The following SLC1A5 variants were observed in gnomAD, a reference collection of about 807,000 sequenced individuals.
SLC1A5 encodes neutral amino acid transporter B(0).
SLC1A5 carries 25 observed loss-of-function variants against 34.9 expected under a neutral mutation model. The observed-to-expected ratio is 0.72, with a 90% confidence interval of 0.52 to 1.00. SLC1A5 has a LOEUF of 1.00. Ranked by LOEUF, SLC1A5 falls within the 50% of genes least tolerant of loss-of-function variation. The pLI, the probability that SLC1A5 is intolerant of heterozygous loss-of-function variation, is 0.00. For missense variants in SLC1A5, 637 were observed against 740.0 expected (o/e 0.86, Z 1.61); for synonymous variants, 351 against 341.2 (o/e 1.03, Z -0.32).
At position 46,783,191 on chromosome 19, in the gene SLC1A5, C is replaced by T. The variant is rs567988209; in HGVS notation, c.658-642G>A. Among the ~76,000 whole-genome samples, 29 of 152,226 alleles carry T rather than the reference C, an allele frequency of 1.9e-4. No homozygotes were observed. The South Asian group carries it at 2.3e-3, about 12-fold the overall frequency. The stretch of plus-strand genomic sequence containing the variant: ...TTTGAAAAGATCCTCGGGCGGAGCA[C>T]GGTGGCTCACGCCTGTAATCACAGC... On this transcript the variant is annotated intron_variant, in intron 3 of 7. Transcript: ENST00000542575.
intron 4 of SLC1A5, among the ~76,000 whole-genome samples, chr19:46,780,141 C>T (rs796317465): frequency 1.6e-4 from 24 of 152,064 alleles, no homozygotes; most frequent in African/African-American, 5.5e-4. Context: ...CATGAGCCTC[C>T]GTACTGGGCC....
Position 46,782,415 on chromosome 19 carries a change from C to G in SLC1A5, c.792G>C (p.Glu264Asp). Residue 264 changes from glutamate (E) to aspartate (D), a missense_variant, in exon 4 of 8, where the codon GAG becomes GAC. By Grantham distance (45) the Glu-to-Asp change is conservative. Transcript: ENST00000542575. The part of the protein sequence containing the change: ...LLIRFFNSFN[E>D]ATMVLVSWIM... The stretch of plus-strand genomic sequence containing the variant: ...TCCAGGAGACCAGAACCATGGTGGC[C>G]TCATTGAAGGAGTTGAAGAAGCGGA... The G allele has an allele frequency of 6.4e-7, 1 of 1,552,062 alleles. No homozygotes were observed. The highest frequency in any genetic ancestry group is 1.1e-5 in the South Asian group (1 of 90,440).
At position 46,777,006 on chromosome 19, in the gene SLC1A5, T is replaced by G. The variant is rs79376478; in HGVS notation, c.1357A>C (p.Ile453Leu). The G allele has an allele frequency of 8.4e-3, 13,517 of 1,613,820 alleles. 93 individuals carry two copies. The highest frequency in any genetic ancestry group is 0.016 in the Middle Eastern group (99 of 6,062). ...CAGTCCACAGCCAGGATCAAGGAGA[T>G]ATGGTCGACCGGGAGGTTGACTGCT... ...LEAVNLPVDHISLILAVDWLV... is the reference protein window; with the variant it reads ...LEAVNLPVDHLSLILAVDWLV... Residue 453 changes from isoleucine (I) to leucine (L), a missense_variant, in exon 7 of 8, where the codon ATC becomes CTC. Physicochemically the swap from Ile to Leu is conservative, Grantham distance 5. Transcript: ENST00000542575.
rs1218554735 is a variant in SLC1A5 at position 46,777,288 on chromosome 19, G to A, written c.1176C>T (p.Leu392=). 1.9e-6 allele frequency: 3 copies of A among 1,613,588 alleles called. No homozygotes were observed. Among genetic ancestry groups the A allele is most frequent in the African/African-American group, 2.7e-5 (2 of 74,928 alleles). ...GATVNMDGAA[L]FQCVAAVFIA... is the part of the protein sequence containing the mutation. ...TGAACACTGCGGCCACGCACTGGAA[G>A]AGCGCGGCACCGTCCATGTTGACGG... Residue 392 remains leucine (L), a synonymous_variant, in exon 6 of 8, where the codon CTC becomes CTT. Coordinates refer to ENST00000542575, the MANE Select transcript of SLC1A5 (RefSeq NM_005628.3).
At chr19:46,782,599 A>T in intron 3 of SLC1A5, 50 bp from the exon 4 acceptor site, 4 of 1,605,190 alleles carry the variant, frequency 2.5e-6, no homozygotes, top group Non-Finnish European at 3.4e-6. Flanking sequence ...GTCTACCTGC[A>T]CAGTCACTGA....
At chr19:46,782,277 G>A (rs2055151571) in intron 4 of SLC1A5, 106 bp downstream of exon 4, 6 of 851,280 alleles carry the variant, frequency 7.0e-6, no homozygotes, top group Non-Finnish European at 9.3e-6. Flanking sequence ...GCTCCAAAGA[G>A]TGAATAGAGG....
intron 3 of SLC1A5, 26 bp downstream of exon 3, chr19:46,784,070 GC>G: frequency 6.3e-7 from 1 of 1,594,926 alleles, no homozygotes; most frequent in Non-Finnish European, 8.6e-7. Flanking sequence ...AAGAGGTAGA[GC>G]CCCCGCTGCC....
rs751674385 is a variant in SLC1A5 at position 46,777,092 on chromosome 19, G to A, written c.1271C>T (p.Ser424Phe). 6.2e-7 allele frequency: 1 copy of A among 1,613,886 alleles called. No homozygotes were observed. Among genetic ancestry groups the A allele is most frequent in the Non-Finnish European group, 8.5e-7 (1 of 1,179,978 alleles). Residue 424 changes from serine (S) to phenylalanine (F), a missense_variant, in exon 7 of 8, where the codon TCC (serine) becomes TTC (phenylalanine). Physicochemically the swap from Ser to Phe is radical, Grantham distance 155 (BLOSUM62 -2). Transcript: ENST00000542575. ...AGGGATGCCCGCTGCCCCCACGCTG[G>A]ACGCTGTGGCCGTGACCCTGAGGGA... The part of the protein sequence containing the change: ...IITILVTATA[S>F]SVGAAGIPAG...
In SLC1A5 at chr19:46,775,650, G is replaced by C. The variant is rs754926199; in HGVS notation, c.1486C>G (p.Pro496Ala). ...VDRTESRSTE[P>A]ELIQVKSELP... Reference sequence around the variant, plus strand: ...TCACTCTTCACTTGTATCAACTCAGGCTCTGTGCTTCTCGACTCCGTACGG... The same window carrying C: ...TCACTCTTCACTTGTATCAACTCAGCCTCTGTGCTTCTCGACTCCGTACGG... The change falls in exon 8 of 8, where the codon CCT (proline) becomes GCT (alanine). Residue 496 changes from proline to alanine, a missense_variant. Physicochemically the swap from Pro to Ala is conservative, Grantham distance 27. Transcript: ENST00000542575. 6.2e-7 allele frequency: 1 copy of C among 1,614,104 alleles called. No homozygotes were observed. Among genetic ancestry groups the C allele is most frequent in the South Asian group, 1.1e-5 (1 of 91,082 alleles).
Position 46,775,591 on chromosome 19 carries a change from C to G in SLC1A5, c.1545G>C (p.Glu515Asp). 6.2e-7 allele frequency: 1 copy of G among 1,614,160 alleles called. No homozygotes were observed. Among genetic ancestry groups the G allele is most frequent in the Non-Finnish European group, 8.5e-7 (1 of 1,180,028 alleles). Reference protein sequence around the residue: ...LPLDPLPVPTEEGNPLLKHYR... With the variant: ...LPLDPLPVPTDEGNPLLKHYR... The stretch of plus-strand genomic sequence containing the variant: ...AGTGTTTGAGGAGGGGGTTTCCTTC[C>G]TCAGTGGGGACTGGCAGCGGATCCA... The change falls in exon 8 of 8, where the codon GAG becomes GAC. Residue 515 changes from glutamate to aspartate, a missense_variant. Glu to Asp is a conservative substitution (Grantham distance 45). Coordinates refer to ENST00000542575, the MANE Select transcript of SLC1A5 (RefSeq NM_005628.3).
rs2055071333 is a variant in SLC1A5 at position 46,775,012 on chromosome 19, G to A, written c.*498C>T. On this transcript the variant is annotated 3_prime_UTR_variant, in exon 8 of 8. Coordinates refer to ENST00000542575, the MANE Select transcript of SLC1A5 (RefSeq NM_005628.3). ...TATTGTGGAGGGAATAGGGGATCTGGGGACAGGGTGGGACGTACCATGGGG... is the reference window on the plus strand; with the variant it reads ...TATTGTGGAGGGAATAGGGGATCTGAGGACAGGGTGGGACGTACCATGGGG... 1 of 986,434 alleles carries A rather than the reference G, an allele frequency of 1.0e-6. No homozygotes were observed. Among genetic ancestry groups the A allele is most frequent in the Non-Finnish European group, 1.2e-6 (1 of 830,712 alleles). 61.1% of individuals were successfully genotyped at this position (986,434 alleles called of 1,614,324 possible).
rs192719130 is a variant in SLC1A5 at position 46,787,436 on chromosome 19, C to T, written c.530G>A (p.Ser177Asn). Residue 177 changes from serine to asparagine, a missense_variant, in exon 1 of 8, where the codon AGC (serine) becomes AAC (asparagine). Transcript: ENST00000542575. The surrounding 1 kb of genome is among the most constrained non-coding windows in gnomAD (Gnocchi z 5.2). ...GAAGSAENAP[S>N]KEVLDSFLDL... Reference sequence around the variant, plus strand: ...CAGGAACGAATCGAGCACCTCCTTGCTGGGGGCATTTTCGGCACTGCCCGC... The same window carrying T: ...CAGGAACGAATCGAGCACCTCCTTGTTGGGGGCATTTTCGGCACTGCCCGC... 32 of 1,602,220 alleles carry T rather than the reference C, an allele frequency of 2.0e-5. No homozygotes were observed. Among genetic ancestry groups the T allele is most frequent in the Non-Finnish European group, 2.4e-5 (28 of 1,175,370 alleles).
Position 46,787,580 on chromosome 19 carries a change from G to C in SLC1A5, c.386C>G (p.Ala129Gly). Residue 129 changes from alanine (A) to glycine (G), a missense_variant, in exon 1 of 8, where the codon GCC (alanine) becomes GGC (glycine). Coordinates refer to ENST00000542575, the MANE Select transcript of SLC1A5 (RefSeq NM_005628.3). This position sits in a 1 kb window ranked among gnomAD's most constrained non-coding sequence, Gnocchi z 5.2. ...LDPGALGRLG[A>G]WALLFFLVTT... ...GACCAGGAAAAAGAGCAGCGCCCAG[G>C]CGCCCAGACGGCCGAGCGCGCCGGG... The C allele has an allele frequency of 2.6e-6, 4 of 1,564,358 alleles. No individual in the cohort carries two copies. The highest frequency in any genetic ancestry group is 3.5e-6 in the Non-Finnish European group (4 of 1,156,932).
At chr19:46,776,771 C>T (rs147049827) in intron 7 of SLC1A5, 53 of 570,926 alleles carry the variant, frequency 9.3e-5, no homozygotes, top group African/African-American at 6.9e-4. Context: ...ACCACACAGA[C>T]GCTCTACTTT....
Position 46,787,329 on chromosome 19 carries a change from C to T in SLC1A5, c.566+71G>A, listed in dbSNP as rs1430270138. On this transcript the variant is annotated intron_variant, in intron 1 of 7. Transcript: ENST00000542575. This position sits in a 1 kb window ranked among gnomAD's most constrained non-coding sequence, Gnocchi z 5.2. ...CTCTGCTCCAGGGGCCCCAAAGCCC[C>T]GTCCTGTCCACGTGACCACTCCCGC... 3 of 1,541,978 alleles carry T rather than the reference C, an allele frequency of 1.9e-6. No individual in the cohort carries two copies. The highest frequency in any genetic ancestry group is 1.7e-6 in the Non-Finnish European group (2 of 1,142,898).
chr19:46,783,064 C>T (rs1157047759), intron 3 of SLC1A5, among the ~76,000 whole-genome samples: 3 of 152,134 alleles, frequency 2.0e-5, no homozygotes, highest in Non-Finnish European at 2.9e-5. Context: ...TCACAGGGAG[C>T]CCTTGGTCAT....
At position 46,778,438 on chromosome 19, in the gene SLC1A5, A is replaced by T. The variant is rs112286109; in HGVS notation, c.1058+237T>A. On this transcript the variant is annotated intron_variant, in intron 5 of 7. Coordinates refer to ENST00000542575, the MANE Select transcript of SLC1A5 (RefSeq NM_005628.3). ...GCGAGACGCCATTGTTTAAAACAAA[A>T]GAAAAAAAAGAGTGCCTCCAGGGCC... Among the ~76,000 whole-genome samples the T allele has an allele frequency of 6.0e-3, 913 of 152,304 alleles. 16 individuals are homozygous for T. The highest frequency in any genetic ancestry group is 0.02 in the African/African-American group (823 of 41,556).
At chr19:46,781,550 A>G (rs935619983) in intron 4 of SLC1A5, among the ~76,000 whole-genome samples, 1 of 152,140 alleles carries the variant, frequency 6.6e-6, no homozygotes, top group African/African-American at 2.4e-5. Context: ...GTGAGCTGAG[A>G]TCACGTCATT....
At chr19:46,776,689 C>T (rs1193639070) in intron 7 of SLC1A5, 3 of 336,036 alleles carry the variant, frequency 8.9e-6, no homozygotes, top group Non-Finnish European at 1.1e-5. Context: ...AAGCACTTCC[C>T]GAGGTCACAA....
Sources: gnomAD v4.1 joint callset for allele counts (sites outside exome capture counted in the v4.1 genomes callset) on GRCh38, gnomAD v4.1.1 for gene constraint, Gnocchi (gnomAD v3.1) non-coding constraint, MANE v1.5 for transcripts, NCBI Gene and HGNC (gene_info 2026-07-23, HGNC 2026-07-21) for gene names.